The following CYRIA variants were observed in gnomAD, a reference collection of about 807,000 sequenced individuals.
CYRIA encodes the protein CYFIP-related Rac1 interactor A.
Under a neutral mutation model 43.9 loss-of-function variants are expected in CYRIA, and 15 were observed. The observed-to-expected ratio is 0.34, with a 90% CI of 0.23 to 0.53. The LOEUF (loss-of-function observed/expected upper bound fraction) is 0.53. Ranked by LOEUF, CYRIA falls within the 20% of genes least tolerant of loss-of-function variation. The pLI is 0.94. For synonymous variants in CYRIA, 117 were observed against 136.0 expected (o/e 0.86, Z 0.97); for missense variants, 236 against 394.2 (o/e 0.60, Z 3.40).
chr2:16,631,694 A>G (rs1412642098), intron 1 of CYRIA, among the ~76,000 whole-genome samples: 1 of 152,236 alleles, frequency 6.6e-6, no homozygotes, highest in Non-Finnish European at 1.5e-5. Flanking sequence ...AGTATTTAGT[A>G]TCTATTTGAA....
At chr2:16,607,459 G>A (rs944625454) in intron 2 of CYRIA, among the ~76,000 whole-genome samples, 2 of 152,170 alleles carry the variant, frequency 1.3e-5, no homozygotes, top group Non-Finnish European at 2.9e-5. Context: ...TTTTTACTTG[G>A]TATGCAAGGC....
chr2:16,643,012 A>C (rs1304184345), intron 1 of CYRIA, among the ~76,000 whole-genome samples: 1 of 149,022 alleles, frequency 6.7e-6, no homozygotes, highest in Admixed American at 6.7e-5. Context: ...TATTTATAAT[A>C]GTATACTATA....
rs1227074347 is a variant in CYRIA at position 16,552,171 on chromosome 2, A to C, written c.*765T>G. The C allele has an allele frequency of 6.6e-6, 1 of 152,184 alleles. No individual in the cohort carries two copies. Among genetic ancestry groups the C allele is most frequent in the Admixed American group, 6.6e-5 (1 of 15,266 alleles). 9.4% of individuals were successfully genotyped at this position (152,184 alleles called of 1,614,324 possible). On this transcript the variant is annotated 3_prime_UTR_variant, in exon 12 of 12. Transcript: ENST00000381323. Reference sequence around the variant, plus strand: ...CTGTAGGCAGAGGGCTGAAGCAGAGAGATGGCTGTCCTGTTGCCTGAGTGC... The same window carrying C: ...CTGTAGGCAGAGGGCTGAAGCAGAGCGATGGCTGTCCTGTTGCCTGAGTGC...
At chr2:16,574,561 A>C (rs1196322728) in intron 3 of CYRIA, among the ~76,000 whole-genome samples, 1 of 152,224 alleles carries the variant, frequency 6.6e-6, no homozygotes. Flanking sequence ...GGCCAGGCCC[A>C]TGGTCCCTCT....
At chr2:16,602,294 A>C (rs1445002503) in intron 2 of CYRIA, among the ~76,000 whole-genome samples, 1 of 152,204 alleles carries the variant, frequency 6.6e-6, no homozygotes, top group Non-Finnish European at 1.5e-5. Context: ...TGGTGCAAAG[A>C]CTTGAAGAAA....
intron 1 of CYRIA, among the ~76,000 whole-genome samples, chr2:16,639,275 G>A (rs1012695724): frequency 7.2e-5 from 11 of 152,182 alleles, no homozygotes; most frequent in Admixed American, 1.3e-4. Context: ...TTCTTATTTC[G>A]CCAATGAATG....
Position 16,626,858 on chromosome 2 carries a change from C to G in CYRIA, c.-166-2839G>C, listed in dbSNP as rs563648823. Among the ~76,000 whole-genome samples the G allele has an allele frequency of 1.2e-3, 189 of 152,356 alleles. 1 individual carries two copies. The highest frequency in any genetic ancestry group is 2.0e-3 in the Non-Finnish European group (137 of 68,028). On this transcript the variant is annotated intron_variant, in intron 1 of 11. Transcript: ENST00000381323. Reference sequence around the variant, plus strand: ...CCTGGCCTGGTGGGGCTTCACACCACACAACACAATCAGGAGTTTGCCCTT... The same window carrying G: ...CCTGGCCTGGTGGGGCTTCACACCAGACAACACAATCAGGAGTTTGCCCTT...
intron 2 of CYRIA, among the ~76,000 whole-genome samples, chr2:16,611,954 G>A (rs1213086455): frequency 6.6e-6 from 1 of 152,124 alleles, no homozygotes; most frequent in African/African-American, 2.4e-5. Flanking sequence ...GTAGTTTCCT[G>A]CCAGGCCACG....
intron 1 of CYRIA, among the ~76,000 whole-genome samples, chr2:16,639,148 C>T (rs1330273214): frequency 2.0e-5 from 3 of 152,164 alleles, no homozygotes; most frequent in African/African-American, 2.4e-5. Flanking sequence ...TCTGGAAGGC[C>T]CTGCCCAGCA....
rs562590634 is a variant in CYRIA, at chr2:16,650,379, C to G, written c.-167+15401G>C. On this transcript the variant is annotated intron_variant, in intron 1 of 11. Coordinates refer to ENST00000381323, the MANE Select transcript of CYRIA (RefSeq NM_030797.4). The surrounding 1 kb of genome is among the most constrained non-coding windows in gnomAD (Gnocchi z 4.1). ...AGCTGAATGAGTATATAGTATAAAA[C>G]AAGACTGACTCACTTCAATATAAAA... Among the ~76,000 whole-genome samples the G allele has an allele frequency of 6.6e-6, 1 of 152,254 alleles. No homozygotes were observed. Among genetic ancestry groups the G allele is most frequent in the Admixed American group, 6.5e-5 (1 of 15,304 alleles).
intron 2 of CYRIA, among the ~76,000 whole-genome samples, chr2:16,598,781 G>A (rs1668095670): frequency 8.7e-6 from 1 of 115,356 alleles, no homozygotes; most frequent in Non-Finnish European, 1.7e-5. Context: ...GTGAGGAACT[G>A]CGTTCCTTTG....
At chr2:16,607,046 T>A (rs2103484663) in intron 2 of CYRIA, among the ~76,000 whole-genome samples, 2 of 152,314 alleles carry the variant, frequency 1.3e-5, no homozygotes, top group South Asian at 4.1e-4. Flanking sequence ...CCGTGAAATC[T>A]CAAGCATCAA....
chr2:16,619,396 TAC>T (rs975365068), intron 2 of CYRIA, among the ~76,000 whole-genome samples: 3 of 151,890 alleles, frequency 2.0e-5, no homozygotes, highest in Admixed American at 6.5e-5. Flanking sequence ...TATATATATA[TAC>T]ACACACACAT....
chr2:16,593,821 A>G (rs1668020342), intron 2 of CYRIA, among the ~76,000 whole-genome samples: 1 of 142,820 alleles, frequency 7.0e-6, no homozygotes, highest in Non-Finnish European at 1.5e-5. Flanking sequence ...GGTGCGCTGC[A>G]CCCACTAATG....
intron 3 of CYRIA, among the ~76,000 whole-genome samples, chr2:16,581,291 T>G (rs1281885923): frequency 6.6e-6 from 1 of 152,092 alleles, no homozygotes; most frequent in Non-Finnish European, 1.5e-5. Flanking sequence ...GCAAAAGACA[T>G]GACAAGATAT....
rs1666228296 is a variant in CYRIA, at chr2:16,549,756, C to T, written c.*3180G>A. 1 of 152,006 alleles carries T rather than the reference C, an allele frequency of 6.6e-6. No individual in the cohort carries two copies. The highest frequency in any genetic ancestry group is 2.4e-5 in the African/African-American group (1 of 41,402). The allele number at this position is 152,006 out of a possible 1,614,324, so 9.4% of individuals were successfully genotyped here. On this transcript the variant is annotated 3_prime_UTR_variant, in exon 12 of 12. Transcript: ENST00000381323. The stretch of plus-strand genomic sequence containing the variant: ...CTGAATTCTACTGCACAATTGGATC[C>T]TAAGATTGGGAGGCTTAATTTTTCT...
chr2:16,652,500 C>T (rs1670002987), intron 1 of CYRIA, among the ~76,000 whole-genome samples: 1 of 152,172 alleles, frequency 6.6e-6, no homozygotes, highest in South Asian at 2.1e-4. Flanking sequence ...AATTCAAGCT[C>T]CTCTGAGATG....
At chr2:16,641,996 C>G (rs1669691384) in intron 1 of CYRIA, among the ~76,000 whole-genome samples, 2 of 152,136 alleles carry the variant, frequency 1.3e-5, no homozygotes, top group Non-Finnish European at 2.9e-5. Context: ...AATGTGTGCT[C>G]CTTTTCAGTC....
rs1337766999 is a variant in CYRIA at position 16,550,926 on chromosome 2, G to C, written c.*2010C>G. 6.6e-6 allele frequency: 1 copy of C among 152,150 alleles called. No homozygotes were observed. The highest frequency in any genetic ancestry group is 2.4e-5 in the African/African-American group (1 of 41,438). The allele number at this position is 152,150 out of a possible 1,614,324, so 9.4% of individuals were successfully genotyped here. ...TGCCAAATAGGATATCTCTTAAGAT[G>C]AATATCTCCTAACTTTCCTCACCTG... On this transcript the variant is annotated 3_prime_UTR_variant, in exon 12 of 12. Coordinates refer to ENST00000381323, the MANE Select transcript of CYRIA (RefSeq NM_030797.4).
Sources: gnomAD v4.1 joint callset for allele counts (sites outside exome capture counted in the v4.1 genomes callset) on GRCh38, gnomAD v4.1.1 for gene constraint, Gnocchi (gnomAD v3.1) non-coding constraint, MANE v1.5 for transcripts, NCBI Gene and HGNC (gene_info 2026-07-23, HGNC 2026-07-21) for gene names.